RAB27A: variants seen among roughly 807,000 people sequenced by gnomAD.
RAB27A encodes the protein ras-related protein Rab-27A.
In RAB27A, 17 loss-of-function variants were observed where a neutral mutation model predicts 20.8. The observed-to-expected ratio is 0.82, with a 90% confidence interval of 0.56 to 1.23. The LOEUF is 1.23. RAB27A is among the 50% of genes most tolerant of loss of function. The pLI, the probability that RAB27A is intolerant of heterozygous loss-of-function variation, is 0.00. For synonymous variants in RAB27A, 85 were observed against 92.8 expected (o/e 0.92, Z 0.48); for missense variants, 277 against 266.7 (o/e 1.04, Z -0.27).
At chr15:55,303,777 G>A (rs1425454614) in intron 2 of RAB27A, among the ~76,000 whole-genome samples, 3 of 132,672 alleles carry the variant, frequency 2.3e-5, no homozygotes, top group East Asian at 2.6e-4. Context: ...CGCCCCGTCC[G>A]GGAGGGAGGT....
Position 55,208,854 on chromosome 15 carries a change from T to G in RAB27A, c.468-3149A>C, listed in dbSNP as rs553945667. On this transcript the variant is annotated intron_variant, in intron 6 of 6. Coordinates refer to ENST00000336787, the MANE Select transcript of RAB27A (RefSeq NM_183235.3). ...AAGCAGAGTAGATAGCTAAAGAAAA[T>G]TGAGATTCTATAAATAAAGGCATGA... Among the ~76,000 whole-genome samples, 12 of 152,134 alleles carry G rather than the reference T, an allele frequency of 7.9e-5. No homozygotes were observed. The East Asian group carries it at 2.1e-3, about 27-fold the overall frequency.
chr15:55,214,256 G>GA (rs1311906008), intron 6 of RAB27A, among the ~76,000 whole-genome samples: 9 of 152,182 alleles, frequency 5.9e-5, no homozygotes, highest in African/African-American at 2.2e-4. Context: ...CTAACATGGT[G>GA]AAACCCCGTC....
chr15:55,294,159 T>C (rs1239657108), upstream of RAB27A, among the ~76,000 whole-genome samples: 2 of 151,902 alleles, frequency 1.3e-5, no homozygotes, highest in Non-Finnish European at 2.9e-5. Context: ...GGTATTGATA[T>C]AAAGACATAT....
chr15:55,215,650 T>TAAAA (rs1895252425), intron 6 of RAB27A, among the ~76,000 whole-genome samples: 3 of 57,670 alleles, frequency 5.2e-5, no homozygotes, highest in African/African-American at 3.4e-4. Flanking sequence ...AGACTCCGTC[T>TAAAA]CAAAAAAAAA....
intron 1 of RAB27A, among the ~76,000 whole-genome samples, chr15:55,284,981 C>T (rs1371452319): frequency 1.3e-5 from 2 of 152,278 alleles, no homozygotes; most frequent in Non-Finnish European, 2.9e-5. Context: ...GACATTTTCA[C>T]CATCGATGCA....
At chr15:55,315,646 T>C (rs2055039898) in intron 1 of RAB27A, among the ~76,000 whole-genome samples, 1 of 152,068 alleles carries the variant, frequency 6.6e-6, no homozygotes, top group East Asian at 1.9e-4. Flanking sequence ...AACAAACTTA[T>C]GAAAAAAAGC....
At chr15:55,227,155 AC>A (rs1399247666) in intron 5 of RAB27A, among the ~76,000 whole-genome samples, 1 of 152,192 alleles carries the variant, frequency 6.6e-6, no homozygotes, top group Non-Finnish European at 1.5e-5. Context: ...CAAAATACAT[AC>A]ATATGTATAC....
intron 3 of RAB27A, 50 bp from the exon 4 acceptor site, chr15:55,230,536 C>G: frequency 6.8e-7 from 1 of 1,462,824 alleles, no homozygotes; most frequent in Non-Finnish European, 9.6e-7. Context: ...CTAACACCAG[C>G]GAACCTTCTC....
At chr15:55,304,256 T>C (rs2054988144) in intron 2 of RAB27A, among the ~76,000 whole-genome samples, 1 of 151,148 alleles carries the variant, frequency 6.6e-6, no homozygotes, top group Admixed American at 6.6e-5. Flanking sequence ...AACAGATGCT[T>C]GAAGGCAGCA....
At chr15:55,213,652 C>A (rs940021561) in intron 6 of RAB27A, among the ~76,000 whole-genome samples, 2 of 152,138 alleles carry the variant, frequency 1.3e-5, no homozygotes, top group African/African-American at 4.8e-5. Context: ...TCATTAGATT[C>A]TCATAGGAGC....
chr15:55,301,887 C>T (rs1687724851), intron 2 of RAB27A, among the ~76,000 whole-genome samples: 1 of 152,008 alleles, frequency 6.6e-6, no homozygotes. Context: ...CTCATGTGAT[C>T]CACCCACCTC....
intron 1 of RAB27A, among the ~76,000 whole-genome samples, chr15:55,275,625 A>C (rs1897844419): frequency 6.6e-6 from 1 of 151,274 alleles, no homozygotes; most frequent in South Asian, 2.1e-4. Flanking sequence ...ACTCCACCTC[A>C]AAAAAAAAGA....
intron 6 of RAB27A, among the ~76,000 whole-genome samples, chr15:55,218,069 C>T (rs1895397830): frequency 6.6e-6 from 1 of 152,152 alleles, no homozygotes; most frequent in African/African-American, 2.4e-5. Flanking sequence ...CTAAAAGATC[C>T]TAAATCTCAG....
chr15:55,226,771 G>C (rs1486584959), intron 5 of RAB27A, among the ~76,000 whole-genome samples: 2 of 151,724 alleles, frequency 1.3e-5, no homozygotes, highest in Non-Finnish European at 2.9e-5. Context: ...GGGAGGCTGA[G>C]GCAGGAGAAT....
chr15:55,214,097 C>A (rs374674180), intron 6 of RAB27A, among the ~76,000 whole-genome samples: 1 of 152,176 alleles, frequency 6.6e-6, no homozygotes, highest in Non-Finnish European at 1.5e-5. Context: ...GGTGATAAGG[C>A]CTTGCAACTG....
intron 2 of RAB27A, among the ~76,000 whole-genome samples, chr15:55,267,635 G>A (rs545876188): frequency 3.3e-5 from 5 of 152,294 alleles, no homozygotes; most frequent in East Asian, 1.9e-4. Context: ...CAGCTATCAC[G>A]TATGCTATAG....
At chr15:55,214,490 T>A (rs540711929) in intron 6 of RAB27A, among the ~76,000 whole-genome samples, 2 of 152,286 alleles carry the variant, frequency 1.3e-5, no homozygotes, top group Non-Finnish European at 2.9e-5. Flanking sequence ...CTCATTTGAG[T>A]GTTTATCCAC....
chr15:55,253,904 C>T (rs552469581), intron 2 of RAB27A, among the ~76,000 whole-genome samples: 1 of 152,264 alleles, frequency 6.6e-6, no homozygotes, highest in African/African-American at 2.4e-5. Context: ...TAAGTATCCA[C>T]GTGTTTATAA....
chr15:55,252,356 C>G (rs565705176), intron 2 of RAB27A, among the ~76,000 whole-genome samples: 1 of 152,332 alleles, frequency 6.6e-6, no homozygotes, highest in African/African-American at 2.4e-5. Flanking sequence ...GTAATCCCAG[C>G]ACTTTGGCAG....
Sources: allele counts gnomAD v4.1 joint callset (sites outside exome capture counted in the v4.1 genomes callset), GRCh38; gene constraint gnomAD v4.1.1; transcripts MANE v1.5; gene names NCBI Gene and HGNC (gene_info 2026-07-23, HGNC 2026-07-21).